Variants in TRIM32 observed in about 807,000 individuals in gnomAD.
TRIM32 encodes E3 ubiquitin-protein ligase TRIM32.
TRIM32 carries 19 observed loss-of-function variants against 36.0 expected under a neutral mutation model. The observed-to-expected ratio is 0.53, with a 90% CI of 0.37 to 0.77. The LOEUF is 0.77. TRIM32 is among the 30% of genes least tolerant of loss of function. The pLI, the probability that TRIM32 is intolerant of heterozygous loss-of-function variation, is 0.00. For missense variants in TRIM32, 747 were observed against 845.2 expected, an observed-to-expected ratio of 0.88 and a Z score of 1.44; for synonymous variants, 309 against 318.5, an observed-to-expected ratio of 0.97 and a Z score of 0.32.
Position 116,699,804 on chromosome 9 carries a change from C to T in TRIM32, c.*100C>T. 12 of 1,514,138 alleles carry T rather than the reference C, an allele frequency of 7.9e-6. No individual in the cohort carries two copies. In the South Asian group the frequency reaches 1.4e-4, roughly 17 times the overall value. The allele number at this position is 1,514,138 out of a possible 1,614,324, so 93.8% of individuals were successfully genotyped here. A position where few individuals can be genotyped will look rare whatever the true frequency, so the allele number is the denominator to read the frequency against. On this transcript the variant is annotated 3_prime_UTR_variant, in exon 2 of 2. Transcript: ENST00000450136. This position sits in a 1 kb window ranked among gnomAD's most constrained non-coding sequence, Gnocchi z 4.2. The stretch of plus-strand genomic sequence containing the variant: ...ATGCAGAATAGACTCAGCCTATGTC[C>T]TGATTCCAGCTGGGTAGTTCTAGAA...
At position 116,701,102 on chromosome 9, in the gene TRIM32, G is replaced by A. The variant is rs1861149425; in HGVS notation, c.*1398G>A. 1 of 167,080 alleles carries A rather than the reference G, an allele frequency of 6.0e-6. No homozygotes were observed. Among genetic ancestry groups the A allele is most frequent in the African/African-American group, 2.4e-5 (1 of 41,450 alleles). The allele number at this position is 167,080 out of a possible 1,614,324, so 10.3% of individuals were successfully genotyped here. On this transcript the variant is annotated 3_prime_UTR_variant, in exon 2 of 2. Coordinates refer to ENST00000450136, the MANE Select transcript of TRIM32 (RefSeq NM_012210.4). ...CTGTGATGAGGTTCCTGAGGGTTTG[G>A]TGTTTACTAAGTAATATATCTTACT...
chr9:116,691,469 C>T (rs1860562846), intron 1 of TRIM32, among the ~76,000 whole-genome samples: 1 of 152,136 alleles, frequency 6.6e-6, no homozygotes, highest in Non-Finnish European at 1.5e-5. Flanking sequence ...AGCATGTTTT[C>T]CAGGAAACCC....
In TRIM32 at chr9:116,691,801, G is replaced by A. The variant is rs141586818; in HGVS notation, c.-82+4420G>A. 1.4e-3 allele frequency among the ~76,000 whole-genome samples: 216 copies of A among 152,342 alleles called. 2 individuals carry two copies. Among genetic ancestry groups the A allele is most frequent in the South Asian group, 6.8e-3 (33 of 4,826 alleles). ...CTAACGAGTGGCCTTTGGTGGCACA[G>A]TGATAGTTTTGCACTTGATTAGCAT... On this transcript the variant is annotated intron_variant, in intron 1 of 1. Transcript: ENST00000450136.
Position 116,698,768 on chromosome 9 carries a change from A to G in TRIM32, c.1026A>G (p.Lys342=). The change falls in exon 2 of 2, where the codon AAA becomes AAG. Residue 342 remains lysine (K), a synonymous_variant. Transcript: ENST00000450136. This position sits in a 1 kb window ranked among gnomAD's most constrained non-coding sequence, Gnocchi z 4.4. The part of the protein sequence containing the change: ...VVASPRASPA[K]QRGPEAASNI... ...CCAGCCCTAGGGCCTCACCTGCTAAACAGCGGGGTCCTGAGGCAGCCTCCA... is the reference window on the plus strand; with the variant it reads ...CCAGCCCTAGGGCCTCACCTGCTAAGCAGCGGGGTCCTGAGGCAGCCTCCA... The G allele has an allele frequency of 6.2e-7, 1 of 1,614,208 alleles. No individual in the cohort carries two copies.
chr9:116,699,051 A>C lies in TRIM32; in HGVS notation c.1309A>C (p.Asn437His). 1 of 1,614,170 alleles carries C rather than the reference A, an allele frequency of 6.2e-7. No individual in the cohort carries two copies. ...PNLTPLSVAM[N>H]CQGLIGVTDS... is the part of the protein sequence containing the mutation. ...CCTCACTCCTCTCTCAGTGGCAATGAACTGCCAGGGGCTGATTGGTGTGAC... is the reference window on the plus strand; with the variant it reads ...CCTCACTCCTCTCTCAGTGGCAATGCACTGCCAGGGGCTGATTGGTGTGAC... The change falls in exon 2 of 2, where the codon AAC becomes CAC. Residue 437 changes from asparagine to histidine, a missense_variant. Transcript: ENST00000450136. This position sits in a 1 kb window ranked among gnomAD's most constrained non-coding sequence, Gnocchi z 4.2.
chr9:116,696,980 T>C (rs906116212), intron 1 of TRIM32, among the ~76,000 whole-genome samples: 1 of 151,490 alleles, frequency 6.6e-6, no homozygotes, highest in Non-Finnish European at 1.5e-5. Flanking sequence ...TCCACACTTT[T>C]GCTTACATGG....
chr9:116,691,579 G>A (rs779343712), intron 1 of TRIM32, among the ~76,000 whole-genome samples: 2 of 152,152 alleles, frequency 1.3e-5, no homozygotes, highest in African/African-American at 4.8e-5. Context: ...CTTCTGGATC[G>A]TTTTGTTTGC....
Position 116,700,644 on chromosome 9 carries a change from A to G in TRIM32, c.*940A>G, listed in dbSNP as rs1861123845. The G allele has an allele frequency of 6.0e-6, 1 of 166,976 alleles. No individual in the cohort carries two copies. The highest frequency in any genetic ancestry group is 2.4e-5 in the African/African-American group (1 of 41,454). 10.3% of individuals were successfully genotyped at this position (166,976 alleles called of 1,614,324 possible). ...CATTACTAAAACAAACAGCAAAACT[A>G]TTGGTTTGTTATTCTGTGTTTTCCT... On this transcript the variant is annotated 3_prime_UTR_variant, in exon 2 of 2. Transcript: ENST00000450136.
At chr9:116,691,749 T>C (rs1374258735) in intron 1 of TRIM32, among the ~76,000 whole-genome samples, 1 of 152,224 alleles carries the variant, frequency 6.6e-6, no homozygotes, top group Non-Finnish European at 1.5e-5. Flanking sequence ...GGTGATGACC[T>C]CACTGAATTC....
rs1554732629 is a variant in TRIM32, at chr9:116,697,949, C to T, written c.207C>T (p.Arg69=). ...GTCCCTTTTGCAGCAAGATTACCCG[C>T]ATAACCAGCTTGACCCAGCTGACAG... is the stretch of plus-strand genomic sequence containing the variant. The part of the protein sequence containing the change: ...VRCPFCSKIT[R]ITSLTQLTDN... The change falls in exon 2 of 2, where the codon CGC becomes CGT. Residue 69 remains arginine, a synonymous_variant. Coordinates refer to ENST00000450136, the MANE Select transcript of TRIM32 (RefSeq NM_012210.4). 1.2e-6 allele frequency: 2 copies of T among 1,614,094 alleles called. No homozygotes were observed. The highest frequency in any genetic ancestry group is 2.7e-5 in the African/African-American group (2 of 74,936).
At chr9:116,688,010 A>G (rs1387148304) in intron 1 of TRIM32, among the ~76,000 whole-genome samples, 1 of 152,004 alleles carries the variant, frequency 6.6e-6, no homozygotes, top group Non-Finnish European at 1.5e-5. Flanking sequence ...TCAGTGCATA[A>G]GAGGAAGGAG....
chr9:116,694,387 T>A (rs803936), intron 1 of TRIM32, among the ~76,000 whole-genome samples: 11 of 151,448 alleles, frequency 7.3e-5, no homozygotes, highest in African/African-American at 2.7e-4. Context: ...TTGTCCCAGA[T>A]GATAGAAGAG....
chr9:116,687,801 C>A (rs1860347989), intron 1 of TRIM32, among the ~76,000 whole-genome samples: 1 of 151,762 alleles, frequency 6.6e-6, no homozygotes, highest in African/African-American at 2.4e-5. Flanking sequence ...TTGAGGAAAT[C>A]TGGGGGCGCT....
Position 116,700,165 on chromosome 9 carries a change from G to T in TRIM32, c.*461G>T. On this transcript the variant is annotated 3_prime_UTR_variant, in exon 2 of 2. Coordinates refer to ENST00000450136, the MANE Select transcript of TRIM32 (RefSeq NM_012210.4). ...GGATTCACTGTGCATGCTTCAGTGG[G>T]ATCTGCTCCACCTTTCAGTGACATT... is the stretch of plus-strand genomic sequence containing the variant. 4.6e-6 allele frequency: 1 copy of T among 219,012 alleles called. No homozygotes were observed. 13.6% of individuals were successfully genotyped at this position (219,012 alleles called of 1,614,324 possible).
intron 1 of TRIM32, among the ~76,000 whole-genome samples, chr9:116,696,651 C>T (rs1023234324): frequency 2.0e-5 from 3 of 152,114 alleles, no homozygotes; most frequent in East Asian, 1.9e-4. Context: ...GTTTTTATTT[C>T]GTTTATAGTA....
rs1328118122 is a variant in TRIM32, at chr9:116,700,400, G to A, written c.*696G>A. On this transcript the variant is annotated 3_prime_UTR_variant, in exon 2 of 2. Transcript: ENST00000450136. ...GGTTGGTATTGATGACTTCAGCCTG[G>A]AAATTGCTTGCCTTTTAAAGAAGCA... 1 of 167,186 alleles carries A rather than the reference G, an allele frequency of 6.0e-6. No individual in the cohort carries two copies. The highest frequency in any genetic ancestry group is 1.5e-5 in the Non-Finnish European group (1 of 68,218). The allele number at this position is 167,186 out of a possible 1,614,324, so 10.4% of individuals were successfully genotyped here. A position where few individuals can be genotyped will look rare whatever the true frequency, so the allele number is the denominator to read the frequency against.
Position 116,698,423 on chromosome 9 carries a change from G to A in TRIM32, c.681G>A (p.Leu227=), listed in dbSNP as rs779933628. 2.8e-5 allele frequency: 45 copies of A among 1,613,998 alleles called. No homozygotes were observed. The highest frequency in any genetic ancestry group is 3.5e-5 in the Non-Finnish European group (41 of 1,180,032). ...NSQVVEEQSY[L]LNIAEVQAVS... ...AAGTGGTAGAGGAGCAGAGTTACCT[G>A]CTTAACATTGCAGAGGTGCAGGCTG... Residue 227 remains leucine (L), a synonymous_variant, in exon 2 of 2, where the codon CTG becomes CTA. Coordinates refer to ENST00000450136, the MANE Select transcript of TRIM32 (RefSeq NM_012210.4). The surrounding 1 kb of genome is among the most constrained non-coding windows in gnomAD (Gnocchi z 4.4).
At chr9:116,688,044 C>T (rs953279253) in intron 1 of TRIM32, among the ~76,000 whole-genome samples, 1 of 151,808 alleles carries the variant, frequency 6.6e-6, no homozygotes, top group Non-Finnish European at 1.5e-5. Flanking sequence ...CAGCACAGTG[C>T]CCGATGGAAT....
At chr9:116,692,503 T>C (rs929297935) in intron 1 of TRIM32, among the ~76,000 whole-genome samples, 1 of 152,226 alleles carries the variant, frequency 6.6e-6, no homozygotes, top group Non-Finnish European at 1.5e-5. Flanking sequence ...GCAATAACTT[T>C]GTGAGGAAGA....
Sources: allele counts gnomAD v4.1 joint callset (sites outside exome capture counted in the v4.1 genomes callset), GRCh38; gene constraint gnomAD v4.1.1; non-coding constraint Gnocchi (gnomAD v3.1); transcripts MANE v1.5; gene names NCBI Gene and HGNC (gene_info 2026-07-23, HGNC 2026-07-21).